The following ZNF514 variants were observed in gnomAD, a reference collection of about 807,000 sequenced individuals.
The protein encoded by ZNF514 is zinc finger protein 514.
In ZNF514, 12 loss-of-function variants were observed where a neutral mutation model predicts 9.7. The observed-to-expected ratio is 1.24, with a 90% CI of 0.79 to 2.01. The LOEUF is 2.01. Among genes scored for constraint, ZNF514 ranks in the 30% most tolerant of loss-of-function variants. The pLI is 0.00. For synonymous variants in ZNF514, 158 were observed against 163.7 expected (o/e 0.97, Z 0.27); for missense variants, 467 against 465.5 (o/e 1.00, Z -0.03).
Position 95,149,942 on chromosome 2 carries a change from A to T in ZNF514, c.543T>A (p.Cys181Ter). ...SILMGEGSYKCDTEFRQTLGG... is the reference protein window; with the variant it reads ...SILMGEGSYK Reference sequence around the variant, plus strand: ...CTAAAGTCTGCCTGAATTCTGTATCACATTTATAAGATCCTTCTCCCATGA... The same window carrying T: ...CTAAAGTCTGCCTGAATTCTGTATCTCATTTATAAGATCCTTCTCCCATGA... The change falls in exon 5 of 5, where the codon TGT becomes TGA. Residue 181 changes from cysteine (C) to a stop codon, truncating the protein, a stop_gained. Coordinates refer to ENST00000295208, the MANE Select transcript of ZNF514 (RefSeq NM_032788.3). LOFTEE classifies it low-confidence loss of function (END_TRUNC). The T allele has an allele frequency of 6.2e-7, 1 of 1,614,204 alleles. No homozygotes were observed. Among genetic ancestry groups the T allele is most frequent in the Non-Finnish European group, 8.5e-7 (1 of 1,180,040 alleles).
intron 4 of ZNF514, among the ~76,000 whole-genome samples, chr2:95,150,493 TGTGTTTAGATTCCA>T (rs1380335740): frequency 1.3e-5 from 2 of 152,142 alleles, no homozygotes; most frequent in East Asian, 3.8e-4. Context: ...CTGAGAGATA[TGTGTTTAGATTCCA>T]GTACACAAGG....
chr2:95,145,954 T>C lies in ZNF514; in HGVS notation c.*3328A>G, dbSNP rs1445621923. Among the ~76,000 whole-genome samples, 3 of 152,160 alleles carry C rather than the reference T, an allele frequency of 2.0e-5. No homozygotes were observed. The East Asian group carries it at 5.8e-4, about 29-fold the overall frequency. On this transcript the variant is annotated 3_prime_UTR_variant, in exon 5 of 5. Coordinates refer to ENST00000295208, the MANE Select transcript of ZNF514 (RefSeq NM_032788.3). ...GCTGCTGCTCCTGACAAGAGCCACCTTGGGCACATGTTCTCAGGATCTCCT... is the reference window on the plus strand; with the variant it reads ...GCTGCTGCTCCTGACAAGAGCCACCCTGGGCACATGTTCTCAGGATCTCCT...
downstream of ZNF514, among the ~76,000 whole-genome samples, chr2:95,141,400 T>G (rs1034929601): frequency 6.6e-6 from 1 of 152,170 alleles, no homozygotes; most frequent in African/African-American, 2.4e-5. Context: ...CAGAATACCT[T>G]AGGGCCATTT....
chr2:95,136,158 A>G, the ZNF514 span, among the ~76,000 whole-genome samples: 44 of 152,198 alleles, frequency 2.9e-4, no homozygotes, highest in Non-Finnish European at 5.9e-4. Context: ...CATTTACTCT[A>G]AAAGGTTTTT....
rs377054323 is a variant in ZNF514, at chr2:95,153,256, G to A, written c.-3C>T. The A allele has an allele frequency of 6.2e-6, 10 of 1,613,370 alleles. No individual in the cohort carries two copies. In the African/African-American group the frequency reaches 9.3e-5, roughly 15 times the overall value. On this transcript the variant is annotated 5_prime_UTR_variant, in exon 3 of 5. Transcript: ENST00000295208. Reference sequence around the variant, plus strand: ...ACAGCCACATCTTCAAATGTCATCAGGTCCTGAAACACAGAAGACACTCCA... The same window carrying A: ...ACAGCCACATCTTCAAATGTCATCAAGTCCTGAAACACAGAAGACACTCCA...
rs1673579558 is a variant in ZNF514 at position 95,152,777 on chromosome 2, T to C, written c.122-8A>G. 1.2e-6 allele frequency: 2 copies of C among 1,613,140 alleles called. No homozygotes were observed. Among genetic ancestry groups the C allele is most frequent in the Non-Finnish European group, 1.7e-6 (2 of 1,179,300 alleles). ...GTTTGGATACTAGAAGGCCTGATGG[T>C]AGAGAAGGAAAAGGATTTTGGTTGT... On this transcript the variant is annotated splice_polypyrimidine_tract_variant and splice_region_variant and intron_variant, in intron 3 of 4. Coordinates refer to ENST00000295208, the MANE Select transcript of ZNF514 (RefSeq NM_032788.3).
At chr2:95,141,455 G>A (rs1673220755), downstream of ZNF514, among the ~76,000 whole-genome samples, 1 of 152,122 alleles carries the variant, frequency 6.6e-6, no homozygotes, top group African/African-American at 2.4e-5. Flanking sequence ...CTAAGAACTG[G>A]TAACTGGAAG....
chr2:95,138,990 G>T, the ZNF514 span, among the ~76,000 whole-genome samples: 1 of 152,246 alleles, frequency 6.6e-6, no homozygotes, highest in Non-Finnish European at 1.5e-5. Flanking sequence ...AGCTCCAGCT[G>T]GGGTTCAAAG....
chr2:95,130,998 G>A, the ZNF514 span, among the ~76,000 whole-genome samples: 26 of 152,270 alleles, frequency 1.7e-4, 1 homozygote, highest in African/African-American at 6.0e-4. Flanking sequence ...ATTAATTTGG[G>A]GAACTAATAA....
At chr2:95,157,080 A>G (rs946228037) in intron 2 of ZNF514, among the ~76,000 whole-genome samples, 11 of 152,142 alleles carry the variant, frequency 7.2e-5, no homozygotes, top group African/African-American at 2.7e-4. Flanking sequence ...CACTCTTTCA[A>G]GGCCAGGGCT....
Position 95,145,289 on chromosome 2 carries a change from CTCTT to C in ZNF514, c.*3989_*3992del, listed in dbSNP as rs1304380993. Among the ~76,000 whole-genome samples, 1 of 152,150 alleles carries C rather than the reference CTCTT, an allele frequency of 6.6e-6. No homozygotes were observed. Among genetic ancestry groups the C allele is most frequent in the African/African-American group, 2.4e-5 (1 of 41,452 alleles). On this transcript the variant is annotated 3_prime_UTR_variant, in exon 5 of 5. Transcript: ENST00000295208. ...CAGACATACCTCATTATACCTTCCT[CTCTT>C]TGGAATTCAGGCACAGTGGACCAGC...
the ZNF514 span, among the ~76,000 whole-genome samples, chr2:95,124,137 T>C: frequency 2.6e-5 from 4 of 152,344 alleles, no homozygotes; most frequent in Non-Finnish European, 5.9e-5. Flanking sequence ...ACAATCGAGA[T>C]ACAGAACTGT....
chr2:95,130,319 A>G, the ZNF514 span, among the ~76,000 whole-genome samples: 1 of 152,236 alleles, frequency 6.6e-6, no homozygotes, highest in Admixed American at 6.5e-5. Context: ...ACAGGACCAC[A>G]GGACCACAGG....
At chr2:95,123,326 G>T in the ZNF514 span, among the ~76,000 whole-genome samples, 56 of 152,210 alleles carry the variant, frequency 3.7e-4, no homozygotes, top group Middle Eastern at 0.01. Context: ...TCCTAATTAT[G>T]TTCCTCTCAA....
rs916057447 is a variant in ZNF514, at chr2:95,147,627, A to G, written c.*1655T>C. Reference sequence around the variant, plus strand: ...GAGATCTGGATTGTGCATAATACCCATATTTTAGTTGTTTTTTTTTTTTTT... The same window carrying G: ...GAGATCTGGATTGTGCATAATACCCGTATTTTAGTTGTTTTTTTTTTTTTT... On this transcript the variant is annotated 3_prime_UTR_variant, in exon 5 of 5. Transcript: ENST00000295208. 3 of 147,832 alleles carry G rather than the reference A, an allele frequency of 2.0e-5. No homozygotes were observed. Among genetic ancestry groups the G allele is most frequent in the Admixed American group, 1.4e-4 (2 of 14,716 alleles). The allele number at this position is 147,832 out of a possible 1,614,324, so 9.2% of individuals were successfully genotyped here.
downstream of ZNF514, among the ~76,000 whole-genome samples, chr2:95,140,168 G>C (rs190442824): frequency 1.9e-4 from 29 of 152,220 alleles, no homozygotes; most frequent in Middle Eastern, 3.4e-3. Context: ...AGCATTAGGA[G>C]AAATACCTAA....
intron 2 of ZNF514, 97 bp downstream of exon 2, chr2:95,157,254 A>C (rs1325286022): frequency 1.4e-6 from 1 of 709,170 alleles, no homozygotes; most frequent in Non-Finnish European, 2.1e-6. Context: ...GCATTGGGTC[A>C]GTTCCCTTAG....
At chr2:95,138,423 G>C in the ZNF514 span, among the ~76,000 whole-genome samples, 1 of 152,190 alleles carries the variant, frequency 6.6e-6, no homozygotes, top group South Asian at 2.1e-4. Flanking sequence ...ATAGAAATGA[G>C]AAACATATTG....
chr2:95,137,019 G>A, the ZNF514 span, among the ~76,000 whole-genome samples: 5 of 152,210 alleles, frequency 3.3e-5, no homozygotes, highest in East Asian at 5.8e-4. Flanking sequence ...AACCCTCTTC[G>A]AAAATGAACA....
Sources: gnomAD v4.1 joint callset for allele counts (sites outside exome capture counted in the v4.1 genomes callset) on GRCh38, gnomAD v4.1.1 for gene constraint, MANE v1.5 for transcripts, NCBI Gene and HGNC (gene_info 2026-07-23, HGNC 2026-07-21) for gene names.